The following PCDHA13 variants were observed in gnomAD, a reference collection of about 807,000 sequenced individuals.
The protein encoded by PCDHA13 is protocadherin alpha-13.
PCDHA13 carries 54 observed loss-of-function variants against 64.8 expected under a neutral mutation model. The observed-to-expected ratio is 0.83, with a 90% CI of 0.67 to 1.04. PCDHA13 has a LOEUF of 1.04. Ranked by LOEUF, PCDHA13 falls within the 50% of genes least tolerant of loss-of-function variation. The pLI is 0.00. For synonymous variants in PCDHA13, 587 were observed against 564.4 expected, an observed-to-expected ratio of 1.04 and a Z score of -0.57; for missense variants, 1,248 against 1,254.3, an observed-to-expected ratio of 0.99 and a Z score of 0.08.
At chr5:140,978,769 T>C in intron 1 of PCDHA13, 180 bp from the exon 2 acceptor site, 1 of 957,338 alleles carries the variant, frequency 1.0e-6, no homozygotes, top group Non-Finnish European at 1.2e-6. Flanking sequence ...CCTGATGAAC[T>C]AATTTTCTTC....
intron 1 of PCDHA13, among the ~76,000 whole-genome samples, chr5:140,976,160 T>A (rs1554237376): frequency 6.6e-6 from 1 of 152,196 alleles, no homozygotes; most frequent in Admixed American, 6.5e-5. Context: ...TTTTACTACT[T>A]TTAGTTTTGT....
At chr5:140,897,356 C>T (rs1554187343) in intron 1 of PCDHA13, among the ~76,000 whole-genome samples, 1 of 134,770 alleles carries the variant, frequency 7.4e-6, no homozygotes, top group African/African-American at 2.8e-5. Flanking sequence ...ACAACTGTCC[C>T]CAGAGTGTGA....
At chr5:140,947,755 G>T (rs1415482913) in intron 1 of PCDHA13, among the ~76,000 whole-genome samples, 1 of 151,450 alleles carries the variant, frequency 6.6e-6, no homozygotes, top group Non-Finnish European at 1.5e-5. Flanking sequence ...GTATTTTATG[G>T]TTTAAAAAAT....
At chr5:140,966,764 G>T in intron 1 of PCDHA13, 1 of 1,475,264 alleles carries the variant, frequency 6.8e-7, no homozygotes, top group Non-Finnish European at 9.0e-7. Context: ...GCGGCCAGTG[G>T]CTATGGAGCA....
At position 140,882,374 on chromosome 5, in the gene PCDHA13, C is replaced by A; in HGVS notation, c.106C>A (p.Pro36Thr). 6.2e-7 allele frequency: 1 copy of A among 1,614,186 alleles called. No homozygotes were observed. Among genetic ancestry groups the A allele is most frequent in the East Asian group, 2.2e-5 (1 of 44,884 alleles). The change falls in exon 1 of 4, where the codon CCC becomes ACC. Residue 36 changes from proline (P) to threonine (T), a missense_variant. Transcript: ENST00000289272. ...TGSGQLHYSV[P>T]EEAKHGTFVG... ...TAGTGGCCAGCTCCACTACTCCGTCCCCGAGGAAGCAAAACACGGCACCTT... is the reference window on the plus strand; with the variant it reads ...TAGTGGCCAGCTCCACTACTCCGTCACCGAGGAAGCAAAACACGGCACCTT...
chr5:140,952,977 C>T (rs148504111), intron 1 of PCDHA13, among the ~76,000 whole-genome samples: 2 of 152,182 alleles, frequency 1.3e-5, no homozygotes, highest in East Asian at 3.9e-4. Context: ...TTTTAAACAA[C>T]AAGATCTCAT....
At chr5:140,967,731 G>T in intron 1 of PCDHA13, 1 of 1,614,164 alleles carries the variant, frequency 6.2e-7, no homozygotes, top group African/African-American at 1.3e-5. Context: ...GTAATTGGGG[G>T]GCTGGATTAT....
At chr5:140,967,107 G>C (rs782199698) in intron 1 of PCDHA13, 1 of 1,612,994 alleles carries the variant, frequency 6.2e-7, no homozygotes. Flanking sequence ...TGTGAGCAGC[G>C]GCCTCGCTGC....
intron 1 of PCDHA13, among the ~76,000 whole-genome samples, chr5:140,897,430 C>T (rs1297820601): frequency 6.7e-6 from 1 of 148,618 alleles, no homozygotes; most frequent in Non-Finnish European, 1.5e-5. Context: ...TGAGTGAGAA[C>T]ATGCAGTGTT....
Position 140,882,560 on chromosome 5 carries a change from C to G in PCDHA13, c.292C>G (p.Arg98Gly), listed in dbSNP as rs150463901. 1.2e-6 allele frequency: 2 copies of G among 1,614,168 alleles called. No individual in the cohort carries two copies. The highest frequency in any genetic ancestry group is 2.7e-5 in the African/African-American group (2 of 75,038). Residue 98 changes from arginine to glycine, a missense_variant, in exon 1 of 4, where the codon CGG (arginine) becomes GGG (glycine). Arg to Gly is a moderately radical substitution (Grantham distance 125). Coordinates refer to ENST00000289272, the MANE Select transcript of PCDHA13 (RefSeq NM_018904.3). ...SRIDREELCGRSAECSIHLEV... is the reference protein window; with the variant it reads ...SRIDREELCGGSAECSIHLEV... ...GATCGACCGCGAGGAGCTGTGTGGG[C>G]GGAGCGCGGAGTGCAGCATCCACCT...
rs181275532 is a variant in PCDHA13, at chr5:140,900,911, A to G, written c.2394+16249A>G. Among the ~76,000 whole-genome samples the G allele has an allele frequency of 2.3e-4, 35 of 152,252 alleles. 1 individual carries two copies. Among genetic ancestry groups the G allele is most frequent in the Admixed American group, 6.5e-4 (10 of 15,284 alleles). ...GGATAAAAGCCATTTTAACTGTGGTAAGATGATATCTCATTGTAGTTTTGA... is the reference window on the plus strand; with the variant it reads ...GGATAAAAGCCATTTTAACTGTGGTGAGATGATATCTCATTGTAGTTTTGA... On this transcript the variant is annotated intron_variant, in intron 1 of 3. Coordinates refer to ENST00000289272, the MANE Select transcript of PCDHA13 (RefSeq NM_018904.3).
At chr5:140,969,385 C>A in intron 1 of PCDHA13, 1 of 1,598,120 alleles carries the variant, frequency 6.3e-7, no homozygotes, top group East Asian at 2.2e-5. Context: ...TTACACATCC[C>A]CCAATATCCT....
intron 1 of PCDHA13, among the ~76,000 whole-genome samples, chr5:140,890,919 G>A (rs181566078): frequency 3.0e-4 from 46 of 152,178 alleles, no homozygotes; most frequent in Admixed American, 9.2e-4. Flanking sequence ...TAATTTGAGA[G>A]TTTCCTTTAG....
rs144612735 is a variant in PCDHA13 at position 140,884,307 on chromosome 5, C to G, written c.2039C>G (p.Ser680Trp). 6.2e-7 allele frequency: 1 copy of G among 1,613,724 alleles called. No homozygotes were observed. Residue 680 changes from serine (S) to tryptophan (W), a missense_variant, in exon 1 of 4, where the codon TCG (serine) becomes TGG (tryptophan). Ser to Trp is a radical substitution (Grantham distance 177). Coordinates refer to ENST00000289272, the MANE Select transcript of PCDHA13 (RefSeq NM_018904.3). ...AGCGGCCAAGCGCCACAGGCTTCGT[C>G]GAGGGCGTCGGCAGGCGCTGTGGGT... ...VESGQAPQASSRASAGAVGPE... is the reference protein window; with the variant it reads ...VESGQAPQASWRASAGAVGPE...
At chr5:140,900,498 A>G (rs1554189212) in intron 1 of PCDHA13, among the ~76,000 whole-genome samples, 1 of 152,172 alleles carries the variant, frequency 6.6e-6, no homozygotes, top group Non-Finnish European at 1.5e-5. Context: ...ACTGGTCTCA[A>G]ATTCCCAGCC....
At chr5:140,944,655 C>A (rs1045047658) in intron 1 of PCDHA13, among the ~76,000 whole-genome samples, 3 of 152,128 alleles carry the variant, frequency 2.0e-5, no homozygotes, top group Admixed American at 2.0e-4. Flanking sequence ...GGAGTCCATA[C>A]CCCTTATTTA....
rs782157297 is a variant in PCDHA13, at chr5:140,883,973, G to C, written c.1705G>C (p.Gly569Arg). 1 of 1,612,840 alleles carries C rather than the reference G, an allele frequency of 6.2e-7. No homozygotes were observed. The highest frequency in any genetic ancestry group is 8.5e-7 in the Non-Finnish European group (1 of 1,179,662). Residue 569 changes from glycine to arginine, a missense_variant, in exon 1 of 4, where the codon GGG becomes CGG. Coordinates refer to ENST00000289272, the MANE Select transcript of PCDHA13 (RefSeq NM_018904.3). ...NDNAPALLTP[G>R]AGSAGGTVSE... Reference sequence around the variant, plus strand: ...CAACGCTCCGGCGCTGCTGACGCCCGGGGCTGGCAGCGCGGGAGGCACAGT... The same window carrying C: ...CAACGCTCCGGCGCTGCTGACGCCCCGGGCTGGCAGCGCGGGAGGCACAGT...
chr5:140,952,442 A>G (rs1431756877), intron 1 of PCDHA13, among the ~76,000 whole-genome samples: 1 of 152,178 alleles, frequency 6.6e-6, no homozygotes, highest in African/African-American at 2.4e-5. Context: ...CAGGCATAAT[A>G]CAGCCAGGCT....
intron 1 of PCDHA13, chr5:140,968,152 C>T (rs782362724): frequency 6.2e-7 from 1 of 1,614,172 alleles, no homozygotes; most frequent in South Asian, 1.1e-5. Context: ...TCTCTGACAT[C>T]AATGACAATC....
Sources: allele counts gnomAD v4.1 joint callset (sites outside exome capture counted in the v4.1 genomes callset), GRCh38; gene constraint gnomAD v4.1.1; transcripts MANE v1.5; gene names NCBI Gene and HGNC (gene_info 2026-07-23, HGNC 2026-07-21).